The following JMJD1C variants were observed in gnomAD, a reference collection of about 807,000 sequenced individuals.
The protein encoded by JMJD1C is jumonji domain containing 1C, also known as jumonji domain-containing protein 1C.
Under a neutral mutation model 245.3 loss-of-function variants are expected in JMJD1C, and 31 were observed. The observed-to-expected ratio is 0.13, with a 90% CI of 0.09 to 0.17. The LOEUF (loss-of-function observed/expected upper bound fraction) is 0.17, where lower values mean the gene tolerates loss of function less well. JMJD1C is among the 10% of genes least tolerant of loss of function. The probability of loss-of-function intolerance (pLI) is 1.00; values close to 1 mark genes in which losing one functional copy is unlikely to be tolerated. For missense variants in JMJD1C, 2,691 were observed against 3,000.2 expected (o/e 0.90, Z 2.41); for synonymous variants, 1,057 against 1,017.4 (o/e 1.04, Z -0.74).
intron 1 of JMJD1C, among the ~76,000 whole-genome samples, chr10:63,452,647 C>T (rs1952141974): frequency 6.6e-6 from 1 of 152,086 alleles, no homozygotes; most frequent in South Asian, 2.1e-4. Flanking sequence ...CAGCATTATT[C>T]ACAATAGCCA....
intron 1 of JMJD1C, among the ~76,000 whole-genome samples, chr10:63,495,496 G>A (rs188281929): frequency 7.9e-5 from 12 of 152,146 alleles, no homozygotes; most frequent in African/African-American, 1.4e-4. Context: ...GATAGGCTGC[G>A]AGTGGTGGCT....
chr10:63,203,095 GAATA>G (rs990683987), intron 10 of JMJD1C: 10 of 984,770 alleles, frequency 1.0e-5, no homozygotes, highest in Non-Finnish European at 6.0e-6. Flanking sequence ...TTCAATAAAA[GAATA>G]AATGAGTACA....
intron 3 of JMJD1C, among the ~76,000 whole-genome samples, chr10:63,260,889 C>A (rs1156759413): frequency 1.3e-5 from 2 of 152,002 alleles, no homozygotes; most frequent in Admixed American, 1.3e-4. Context: ...CCGTGCCTGG[C>A]GTAACAAAAA....
chr10:63,204,296 G>C, intron 10 of JMJD1C: 2 of 985,330 alleles, frequency 2.0e-6, no homozygotes, highest in Non-Finnish European at 2.4e-6. Context: ...TTACCAAGCA[G>C]GGGAGATTTG....
At chr10:63,497,909 G>C (rs564486101) in intron 1 of JMJD1C, among the ~76,000 whole-genome samples, 1 of 152,036 alleles carries the variant, frequency 6.6e-6, no homozygotes, top group Non-Finnish European at 1.5e-5. Context: ...CTTCAGATGA[G>C]GTGGAATAAA....
chr10:63,434,891 C>A (rs1294157370), intron 1 of JMJD1C, among the ~76,000 whole-genome samples: 1 of 152,166 alleles, frequency 6.6e-6, no homozygotes, highest in Non-Finnish European at 1.5e-5. Flanking sequence ...TTACAGGGCA[C>A]TGAAAAAACT....
In JMJD1C at chr10:63,465,501, G is replaced by T. The variant is rs754073844; in HGVS notation, c.162C>A (p.Asp54Glu). The T allele has an allele frequency of 8.1e-6, 13 of 1,603,328 alleles. No individual in the cohort carries two copies. The highest frequency in any genetic ancestry group is 3.4e-4 in the Middle Eastern group (2 of 5,828). ...AVSHRDSRNP[D>E]LAVYVEFDDL... ...GGGGCGCTGACTCTCTTACCGCCAG[G>T]TCCGGATTGCGGCTGTCCCTGTGTG... is the stretch of plus-strand genomic sequence containing the variant. The change falls in exon 1 of 26, where the codon GAC becomes GAA. Residue 54 changes from aspartate to glutamate, a missense_variant. Asp to Glu is a conservative substitution (Grantham distance 45). Coordinates refer to ENST00000399262, the MANE Select transcript of JMJD1C (RefSeq NM_032776.3).
intron 1 of JMJD1C, among the ~76,000 whole-genome samples, chr10:63,406,329 T>C (rs1490354613): frequency 6.6e-6 from 1 of 152,180 alleles, no homozygotes; most frequent in African/African-American, 2.4e-5. Context: ...CTCCAATGTG[T>C]GGAAAACAAT....
In JMJD1C at chr10:63,206,714, T is replaced by C; in HGVS notation, c.4955A>G (p.Lys1652Arg). ...TCTCTTTTGCAAATCATTTTGCTTC[T>C]TTTTGTAAGTTGGCTTAGGTTGTCT... ...TKRQPKPTYKKKQNDLQKRKG... is the reference protein window; with the variant it reads ...TKRQPKPTYKRKQNDLQKRKG... The change falls in exon 10 of 26, where the codon AAG (lysine) becomes AGG (arginine). Residue 1652 changes from lysine (K) to arginine (R), a missense_variant. Around this residue, in one of 9 missense-constraint regions of JMJD1C, gnomAD observed 144 missense variants for 143.3 expected, o/e 1.00. Transcript: ENST00000399262. 6.2e-7 allele frequency: 1 copy of C among 1,613,936 alleles called. No individual in the cohort carries two copies. The highest frequency in any genetic ancestry group is 1.1e-5 in the South Asian group (1 of 91,048).
At chr10:63,230,438 G>A (rs1256451371) in intron 3 of JMJD1C, among the ~76,000 whole-genome samples, 2 of 152,036 alleles carry the variant, frequency 1.3e-5, no homozygotes, top group African/African-American at 4.8e-5. Context: ...CATTTTCACA[G>A]CATCAACATT....
intron 2 of JMJD1C, among the ~76,000 whole-genome samples, chr10:63,309,711 G>A (rs1332777796): frequency 1.3e-5 from 2 of 152,086 alleles, no homozygotes; most frequent in East Asian, 3.9e-4. Flanking sequence ...GAGGTCTGGA[G>A]TTCGAGACCA....
chr10:63,239,745 C>T (rs1226303921), intron 3 of JMJD1C, among the ~76,000 whole-genome samples: 1 of 151,998 alleles, frequency 6.6e-6, no homozygotes, highest in African/African-American at 2.4e-5. Flanking sequence ...GCTCCTGGCC[C>T]TACATGTTGA....
At chr10:63,229,604 G>A (rs760840167) in intron 3 of JMJD1C, among the ~76,000 whole-genome samples, 3 of 151,802 alleles carry the variant, frequency 2.0e-5, no homozygotes, top group Admixed American at 6.6e-5. Flanking sequence ...ATTGATGAAA[G>A]GAGTAAATAT....
At chr10:63,265,685 C>T (rs1354096881) in intron 2 of JMJD1C, among the ~76,000 whole-genome samples, 1 of 151,972 alleles carries the variant, frequency 6.6e-6, no homozygotes, top group African/African-American at 2.4e-5. Context: ...AGCTGCTTTA[C>T]TATAAAAAAA....
intron 3 of JMJD1C, among the ~76,000 whole-genome samples, chr10:63,254,534 A>G (rs970090214): frequency 1.3e-5 from 2 of 152,126 alleles, no homozygotes; most frequent in Non-Finnish European, 2.9e-5. Flanking sequence ...TTATACTCTA[A>G]AATTTTGAGT....
chr10:63,204,047 G>A (rs1008726583), intron 10 of JMJD1C: 1 of 920,056 alleles, frequency 1.1e-6, no homozygotes, highest in Non-Finnish European at 1.3e-6. Flanking sequence ...CCCAGGAGTT[G>A]GAGGCTGCTG....
chr10:63,433,850 G>A (rs903486888), intron 1 of JMJD1C, among the ~76,000 whole-genome samples: 10 of 150,118 alleles, frequency 6.7e-5, no homozygotes, highest in African/African-American at 2.4e-4. Flanking sequence ...CAAAGTGCTG[G>A]GATTACGGGT....
At chr10:63,502,475 T>A (rs1392374783) in intron 1 of JMJD1C, among the ~76,000 whole-genome samples, 1 of 151,858 alleles carries the variant, frequency 6.6e-6, no homozygotes, top group East Asian at 1.9e-4. Flanking sequence ...CCGTCTCTAA[T>A]AAACATACAA....
chr10:63,215,206 A>T, intron 7 of JMJD1C, 55 bp from the exon 8 acceptor site: 1 of 1,529,174 alleles, frequency 6.5e-7, no homozygotes, highest in African/African-American at 1.4e-5. Context: ...AGCATATTTT[A>T]AAATGTATTT....
Sources: allele counts gnomAD v4.1 joint callset (sites outside exome capture counted in the v4.1 genomes callset), GRCh38; gene constraint gnomAD v4.1.1; regional missense constraint gnomAD v4.1.1; transcripts MANE v1.5; gene names NCBI Gene and HGNC (gene_info 2026-07-23, HGNC 2026-07-21).